Variants in NUP210L observed in about 807,000 individuals in gnomAD.
The protein encoded by NUP210L is nucleoporin 210 like.
NUP210L carries 74 observed loss-of-function variants against 208.5 expected under a neutral mutation model. That is an observed-to-expected ratio of 0.35 (90% CI 0.29 to 0.43). The LOEUF is 0.43. NUP210L is among the 20% of genes least tolerant of loss of function. The pLI, the probability that NUP210L is intolerant of heterozygous loss-of-function variation, is 1.00. For missense variants in NUP210L, 1,843 were observed against 2,289.4 expected (o/e 0.81, Z 3.98); for synonymous variants, 780 against 816.9 (o/e 0.95, Z 0.77).
chr1:154,080,253 G>A (rs1343737616), intron 16 of NUP210L, among the ~76,000 whole-genome samples: 3 of 152,012 alleles, frequency 2.0e-5, no homozygotes, highest in South Asian at 4.2e-4. Context: ...CCAGCTACTC[G>A]GGAGGCTGAG....
intron 33 of NUP210L, among the ~76,000 whole-genome samples, chr1:154,016,980 A>T (rs1013515044): frequency 6.6e-6 from 1 of 151,480 alleles, no homozygotes; most frequent in African/African-American, 2.4e-5. Flanking sequence ...AAAAACAAAA[A>T]AACACGCACA....
rs1187344430 is a variant in NUP210L, at chr1:154,005,716, G to A, written c.4931-3731C>T. 2.8e-5 allele frequency among the ~76,000 whole-genome samples: 4 copies of A among 141,074 alleles called. No individual in the cohort carries two copies. In the Admixed American group the frequency reaches 2.9e-4, roughly 10 times the overall value. The allele number at this position is 141,074 out of a possible 152,430, so 92.6% of individuals were successfully genotyped here. On this transcript the variant is annotated intron_variant, in intron 35 of 39. Transcript: ENST00000368559. ...CACGTCTGGCTAATTTTGTATTTTT[G>A]TATTTTTTTTTCTTTTTTTTTTTTG...
At chr1:154,017,297 A>AG (rs201269662) in intron 33 of NUP210L, among the ~76,000 whole-genome samples, 18 of 146,620 alleles carry the variant, frequency 1.2e-4, no homozygotes, top group Admixed American at 6.9e-4. Context: ...AAAAAAAAAA[A>AG]GGGGGGGGCT....
chr1:154,063,225 T>C (rs1010852862), intron 17 of NUP210L, among the ~76,000 whole-genome samples: 2 of 152,192 alleles, frequency 1.3e-5, no homozygotes, highest in Non-Finnish European at 2.9e-5. Flanking sequence ...AGAAGGAATA[T>C]TTATTTTAGA....
intron 2 of NUP210L, among the ~76,000 whole-genome samples, chr1:154,146,585 C>G (rs1225125160): frequency 6.6e-6 from 1 of 150,690 alleles, no homozygotes; most frequent in Non-Finnish European, 1.5e-5. Flanking sequence ...TGAGCTGAGT[C>G]CATGCCACTG....
chr1:154,055,132 TTTCTTTCTTTC>T (rs1290603157), intron 23 of NUP210L, among the ~76,000 whole-genome samples: 2 of 44,276 alleles, frequency 4.5e-5, no homozygotes, highest in African/African-American at 2.3e-4. Context: ...CTTTTCTTTC[TTTCTTTCTTTC>T]TTTCTTTCTT....
chr1:154,149,690 C>CA (rs1156787545), intron 2 of NUP210L, among the ~76,000 whole-genome samples: 1 of 152,088 alleles, frequency 6.6e-6, no homozygotes, highest in African/African-American at 2.4e-5. Context: ...GCCTGGGTGA[C>CA]AGAGTGAAAC....
intron 35 of NUP210L, among the ~76,000 whole-genome samples, chr1:154,007,292 C>T (rs1203364442): frequency 1.3e-5 from 2 of 150,798 alleles, no homozygotes; most frequent in Admixed American, 6.7e-5. Flanking sequence ...GACAGATTTT[C>T]GCTCTTGTTG....
chr1:154,064,410 C>T (rs556664947), intron 17 of NUP210L, among the ~76,000 whole-genome samples: 7 of 152,216 alleles, frequency 4.6e-5, no homozygotes, highest in African/African-American at 1.4e-4. Flanking sequence ...CTCATCTATG[C>T]CTCGTGCCTC....
At chr1:154,104,109 A>C in exon 13 of NUP210L, 2 of 1,614,042 alleles carry the variant, frequency 1.2e-6, no homozygotes, top group East Asian at 4.5e-5. Context: ...TGGTCTCTTT[A>C]TTTATGTGAT....
At chr1:154,096,756 G>GAAA (rs926128925) in intron 14 of NUP210L, among the ~76,000 whole-genome samples, 1 of 139,976 alleles carries the variant, frequency 7.1e-6, no homozygotes, top group South Asian at 2.3e-4. Context: ...TTGGTCTCAG[G>GAAA]AAAAAAAAAA....
chr1:154,001,260 C>T (rs543055091), intron 36 of NUP210L, among the ~76,000 whole-genome samples, 200 bp from the exon 37 acceptor site: 36 of 152,190 alleles, frequency 2.4e-4, no homozygotes, highest in Non-Finnish European at 1.3e-4. Context: ...TGCAGTGGCG[C>T]GATCTCAGCT....
At chr1:154,153,061 T>A (rs1370472142) in intron 1 of NUP210L, among the ~76,000 whole-genome samples, 189 bp from the exon 2 acceptor site, 1 of 152,164 alleles carries the variant, frequency 6.6e-6, no homozygotes, top group East Asian at 1.9e-4. Flanking sequence ...TTCCCAATGA[T>A]CCCTTGAACA....
chr1:154,130,367 T>C (rs774730109), intron 7 of NUP210L, among the ~76,000 whole-genome samples: 2 of 151,462 alleles, frequency 1.3e-5, no homozygotes, highest in Non-Finnish European at 2.9e-5. Context: ...CTGCCTCCCA[T>C]GTTCAAGCGA....
chr1:153,997,335 C>G (rs1018447011), intron 37 of NUP210L, among the ~76,000 whole-genome samples: 3 of 150,878 alleles, frequency 2.0e-5, no homozygotes, highest in Admixed American at 6.6e-5. Flanking sequence ...GAGATGAGGT[C>G]TCTCTATGTT....
chr1:154,062,567 C>CTTTTTT (rs34499821), intron 17 of NUP210L, among the ~76,000 whole-genome samples: 719 of 74,990 alleles, frequency 9.6e-3, no homozygotes, highest in Admixed American at 0.012. Flanking sequence ...TTTCTTTTTC[C>CTTTTTT]TTTTTTTTTT....
At chr1:154,137,800 A>G (rs541636758) in intron 6 of NUP210L, among the ~76,000 whole-genome samples, 3 of 152,266 alleles carry the variant, frequency 2.0e-5, no homozygotes, top group East Asian at 3.9e-4. Context: ...GCCTCAAGCA[A>G]TCTTCCTGCC....
At chr1:153,998,553 CAAAAAAAA>C (rs566361453) in intron 37 of NUP210L, among the ~76,000 whole-genome samples, 1 of 53,780 alleles carries the variant, frequency 1.9e-5, no homozygotes, top group Non-Finnish European at 3.8e-5. Context: ...GGTTCTGTCT[CAAAAAAAA>C]AAAAAAAAAA....
intron 35 of NUP210L, among the ~76,000 whole-genome samples, chr1:154,009,060 C>A (rs1650743894): frequency 6.6e-6 from 1 of 152,012 alleles, no homozygotes; most frequent in Non-Finnish European, 1.5e-5. Context: ...CAGGTGCCTC[C>A]CACCACGCCT....
Sources: allele counts gnomAD v4.1 joint callset (sites outside exome capture counted in the v4.1 genomes callset), GRCh38; gene constraint gnomAD v4.1.1; transcripts MANE v1.5; gene names NCBI Gene and HGNC (gene_info 2026-07-23, HGNC 2026-07-21).